The following KCTD16 variants were observed in gnomAD, a reference collection of about 807,000 sequenced individuals.
The protein encoded by KCTD16 is BTB/POZ domain-containing protein KCTD16.
Under a neutral mutation model 33.2 loss-of-function variants are expected in KCTD16, and 13 were observed. The observed-to-expected ratio is 0.39, with a 90% CI of 0.25 to 0.62. The LOEUF is 0.62. Among genes scored for constraint, KCTD16 ranks in the 20% least tolerant of loss-of-function variants. The pLI, the probability that KCTD16 is intolerant of heterozygous loss-of-function variation, is 0.50. For synonymous variants in KCTD16, 197 were observed against 195.3 expected, an observed-to-expected ratio of 1.01 and a Z score of -0.07; for missense variants, 441 against 525.1, an observed-to-expected ratio of 0.84 and a Z score of 1.57.
chr5:144,182,437 T>C (rs1936427407), intron 2 of KCTD16, among the ~76,000 whole-genome samples: 1 of 152,108 alleles, frequency 6.6e-6, no homozygotes, highest in Non-Finnish European at 1.5e-5. Context: ...CCTTTAAATA[T>C]ACAAAAGCAG....
chr5:144,176,626 TCTC>T (rs1752514198), intron 2 of KCTD16, among the ~76,000 whole-genome samples: 1 of 151,680 alleles, frequency 6.6e-6, no homozygotes, highest in Non-Finnish European at 1.5e-5. Flanking sequence ...ATGGTCTCGA[TCTC>T]CTGACCTCAT....
intron 2 of KCTD16, among the ~76,000 whole-genome samples, chr5:144,187,216 A>G (rs535340080): frequency 7.9e-5 from 12 of 152,288 alleles, no homozygotes; most frequent in African/African-American, 2.6e-4. Flanking sequence ...AACCACTTAT[A>G]ACAATTTTCT....
intron 3 of KCTD16, among the ~76,000 whole-genome samples, chr5:144,301,896 T>C (rs1311520597): frequency 6.6e-6 from 1 of 152,234 alleles, no homozygotes; most frequent in Admixed American, 6.5e-5. Flanking sequence ...TTCATGTTTA[T>C]TTTATTTTAT....
intron 3 of KCTD16, among the ~76,000 whole-genome samples, chr5:144,305,647 C>G (rs1027260170): frequency 1.7e-4 from 26 of 152,024 alleles, no homozygotes; most frequent in Middle Eastern, 3.4e-3. Flanking sequence ...AACCCCATCT[C>G]TACTAAAAAT....
chr5:144,360,967 G>A lies in KCTD16; in HGVS notation c.833-112693G>A, dbSNP rs183620550. On this transcript the variant is annotated intron_variant, in intron 3 of 3. Transcript: ENST00000512467. ...TGTGCACAATGTGCAGGTTAGTTAC[G>A]TATGTATACATGTGCCATGCTGGTG... Among the ~76,000 whole-genome samples the A allele has an allele frequency of 1.7e-3, 254 of 150,624 alleles. 1 individual carries two copies. Among genetic ancestry groups the A allele is most frequent in the Non-Finnish European group, 8.1e-4 (55 of 67,666 alleles).
intron 3 of KCTD16, among the ~76,000 whole-genome samples, chr5:144,274,697 AAG>A (rs2126849729): frequency 6.6e-6 from 1 of 152,270 alleles, no homozygotes; most frequent in South Asian, 2.1e-4. Flanking sequence ...AGGCAGGATA[AAG>A]AGAATTGTAC....
intron 3 of KCTD16, among the ~76,000 whole-genome samples, chr5:144,342,686 G>T (rs1381090600): frequency 6.6e-6 from 1 of 152,080 alleles, no homozygotes; most frequent in East Asian, 1.9e-4. Flanking sequence ...TCCAGTTTTT[G>T]CCCATTCAGT....
intron 3 of KCTD16, among the ~76,000 whole-genome samples, chr5:144,293,249 A>T (rs1358049629): frequency 1.3e-5 from 2 of 152,100 alleles, no homozygotes; most frequent in African/African-American, 4.8e-5. Flanking sequence ...GTCTATCCTA[A>T]TTCTTTGAAA....
At chr5:144,314,779 C>T (rs147864511) in intron 3 of KCTD16, among the ~76,000 whole-genome samples, 11 of 152,248 alleles carry the variant, frequency 7.2e-5, no homozygotes, top group African/African-American at 2.2e-4. Flanking sequence ...GAAGTGCACA[C>T]GCATACACGA....
At chr5:144,395,065 A>C (rs1001579376) in intron 3 of KCTD16, among the ~76,000 whole-genome samples, 1 of 152,170 alleles carries the variant, frequency 6.6e-6, no homozygotes, top group Non-Finnish European at 1.5e-5. Context: ...TGTTAGGCCC[A>C]CCTCAGTCCA....
chr5:144,239,090 T>G (rs1165836571), intron 3 of KCTD16, among the ~76,000 whole-genome samples: 1 of 152,182 alleles, frequency 6.6e-6, no homozygotes, highest in African/African-American at 2.4e-5. Context: ...TGTGTGATTT[T>G]TAGCAAGTCT....
intron 3 of KCTD16, among the ~76,000 whole-genome samples, chr5:144,358,333 AG>A (rs1197203867): frequency 6.6e-6 from 1 of 152,168 alleles, no homozygotes; most frequent in Non-Finnish European, 1.5e-5. Context: ...AGAAACACAA[AG>A]GTGGTGAGAG....
intron 3 of KCTD16, among the ~76,000 whole-genome samples, chr5:144,221,758 T>A (rs1753762844): frequency 6.6e-6 from 1 of 152,196 alleles, no homozygotes; most frequent in South Asian, 2.1e-4. Context: ...GTAGGATGAT[T>A]TATAATCCTT....
intron 3 of KCTD16, among the ~76,000 whole-genome samples, chr5:144,355,390 T>A (rs1751548693): frequency 6.6e-6 from 1 of 152,196 alleles, no homozygotes; most frequent in Non-Finnish European, 1.5e-5. Flanking sequence ...AATTTACATT[T>A]GAGGGATGTC....
intron 3 of KCTD16, among the ~76,000 whole-genome samples, chr5:144,351,195 C>T (rs1229505145): frequency 2.0e-5 from 3 of 152,114 alleles, no homozygotes; most frequent in African/African-American, 7.2e-5. Flanking sequence ...CTCATCTTTC[C>T]CTTTTTTATT....
chr5:144,202,537 G>T (rs1424267119), intron 2 of KCTD16, among the ~76,000 whole-genome samples: 1 of 152,116 alleles, frequency 6.6e-6, no homozygotes. Context: ...AACATGAATG[G>T]GCTTCAGGCC....
At chr5:144,249,345 A>G (rs934544817) in intron 3 of KCTD16, among the ~76,000 whole-genome samples, 3 of 152,126 alleles carry the variant, frequency 2.0e-5, no homozygotes, top group Non-Finnish European at 4.4e-5. Flanking sequence ...TGTAATCATT[A>G]TAATTATCTC....
At chr5:144,447,445 A>C (rs1435497042) in intron 3 of KCTD16, among the ~76,000 whole-genome samples, 1 of 152,082 alleles carries the variant, frequency 6.6e-6, no homozygotes, top group African/African-American at 2.4e-5. Flanking sequence ...ATTAGGAGAA[A>C]TACCTACTGT....
rs189895710 is a variant in KCTD16 at position 144,474,622 on chromosome 5, T to C, written c.*508T>C. On this transcript the variant is annotated 3_prime_UTR_variant, in exon 4 of 4. Coordinates refer to ENST00000512467, the MANE Select transcript of KCTD16 (RefSeq NM_020768.4). Reference sequence around the variant, plus strand: ...TCAAATCTATATGTGCCAGTTTATATTGACTCCGTATGCATGAGTATTTGT... The same window carrying C: ...TCAAATCTATATGTGCCAGTTTATACTGACTCCGTATGCATGAGTATTTGT... The C allele has an allele frequency of 1.6e-4, 25 of 160,932 alleles. No individual in the cohort carries two copies. Among genetic ancestry groups the C allele is most frequent in the Admixed American group, 1.4e-3 (23 of 16,708 alleles). 10.0% of individuals were successfully genotyped at this position (160,932 alleles called of 1,614,324 possible). A position where few individuals can be genotyped will look rare whatever the true frequency, so the allele number is the denominator to read the frequency against.
Sources: allele counts gnomAD v4.1 joint callset (sites outside exome capture counted in the v4.1 genomes callset), GRCh38; gene constraint gnomAD v4.1.1; transcripts MANE v1.5; gene names NCBI Gene and HGNC (gene_info 2026-07-23, HGNC 2026-07-21).